The following VEGFC variants were observed in gnomAD, a reference collection of about 807,000 sequenced individuals.
VEGFC encodes FLT4 ligand DHM.
A neutral mutation model predicts 46.1 loss-of-function variants in VEGFC; 12 were observed. The observed-to-expected ratio is 0.26, with a 90% CI of 0.17 to 0.42. The LOEUF is 0.42. Ranked by LOEUF, VEGFC falls within the 10% of genes least tolerant of loss-of-function variation. The pLI is 1.00. For missense variants in VEGFC, 488 were observed against 529.4 expected, an observed-to-expected ratio of 0.92 and a Z score of 0.77; for synonymous variants, 232 against 195.5, an observed-to-expected ratio of 1.19 and a Z score of -1.56.
intron 3 of VEGFC, among the ~76,000 whole-genome samples, chr4:176,714,160 A>G (rs535200069): frequency 6.6e-6 from 1 of 152,346 alleles, no homozygotes; most frequent in South Asian, 2.1e-4. Flanking sequence ...TCCCAATGTT[A>G]GAGGTGGGAG....
intron 3 of VEGFC, among the ~76,000 whole-genome samples, chr4:176,719,780 G>C (rs1560944799): frequency 6.6e-6 from 1 of 152,172 alleles, no homozygotes; most frequent in East Asian, 1.9e-4. Context: ...AAAACTATCT[G>C]CCGGGTGCGG....
At chr4:176,777,270 T>A (rs562012500) in intron 1 of VEGFC, among the ~76,000 whole-genome samples, 4 of 152,232 alleles carry the variant, frequency 2.6e-5, no homozygotes, top group African/African-American at 9.6e-5. Flanking sequence ...TGAGCCGAGA[T>A]CGCACCACTG....
rs1436738776 is a variant in VEGFC at position 176,740,463 on chromosome 4, TATAACTATATATTCTATATATAG to T, written c.148-10740_148-10718del. Among the ~76,000 whole-genome samples the T allele has an allele frequency of 3.1e-3, 407 of 131,228 alleles. 11 individuals carry two copies. The highest frequency in any genetic ancestry group is 7.0e-3 in the Admixed American group (77 of 11,076). 86.1% of individuals were successfully genotyped at this position (131,228 alleles called of 152,430 possible). On this transcript the variant is annotated intron_variant, in intron 1 of 6. Coordinates refer to ENST00000618562, the MANE Select transcript of VEGFC (RefSeq NM_005429.5). ...TTCTATATAGAGTATATAGAGTATATATAACTATATATTCTATATATAGAGAGTATATATAACTATATATTCTA... is the reference window on the plus strand; with the variant it reads ...TTCTATATAGAGTATATAGAGTATATAGAGTATATATAACTATATATTCTA...
intron 3 of VEGFC, 68 bp from the exon 4 acceptor site, chr4:176,711,718 T>C (rs1734623579): frequency 3.9e-6 from 6 of 1,527,818 alleles, no homozygotes; most frequent in Non-Finnish European, 4.5e-6. Flanking sequence ...TGGTAAATAT[T>C]GGAGTCCGAA....
At chr4:176,735,182 A>T (rs1310293128) in intron 1 of VEGFC, among the ~76,000 whole-genome samples, 2 of 151,830 alleles carry the variant, frequency 1.3e-5, no homozygotes, top group South Asian at 4.1e-4. Context: ...TTAAATCCCC[A>T]TGTTCTATTA....
chr4:176,756,566 C>T (rs537874195), intron 1 of VEGFC, among the ~76,000 whole-genome samples: 8 of 151,912 alleles, frequency 5.3e-5, no homozygotes, highest in East Asian at 1.9e-4. Context: ...AAGAAAGAGC[C>T]GTAGCCTTTT....
At chr4:176,737,567 T>C (rs1296137117) in intron 1 of VEGFC, among the ~76,000 whole-genome samples, 1 of 151,038 alleles carries the variant, frequency 6.6e-6, no homozygotes, top group African/African-American at 2.4e-5. Context: ...CTTTCTTCAC[T>C]TGATTAAAAA....
intron 4 of VEGFC, among the ~76,000 whole-genome samples, chr4:176,693,885 T>C (rs36200090): frequency 0.23 from 33,696 of 149,612 alleles, 6,317 homozygotes; most frequent in African/African-American, 0.52. Flanking sequence ...ATAAGCTTCA[T>C]ATAAGTGAAG....
intron 1 of VEGFC, among the ~76,000 whole-genome samples, chr4:176,785,672 G>T (rs1735991110): frequency 6.6e-6 from 1 of 151,632 alleles, no homozygotes; most frequent in Non-Finnish European, 1.5e-5. Flanking sequence ...ACAAATAAAT[G>T]TGTGTGCAAA....
rs1734488239 is a variant in VEGFC, at chr4:176,704,454, G to A, written c.704+7045C>T. Among the ~76,000 whole-genome samples, 8 of 152,190 alleles carry A rather than the reference G, an allele frequency of 5.3e-5. No homozygotes were observed. The South Asian group carries it at 1.7e-3, about 32-fold the overall frequency. The stretch of plus-strand genomic sequence containing the variant: ...AACAGGTGCTCCTTGTCTTTTGAAT[G>A]TCATCCATACAGTTTCATCCTCAAC... On this transcript the variant is annotated intron_variant, in intron 4 of 6. Coordinates refer to ENST00000618562, the MANE Select transcript of VEGFC (RefSeq NM_005429.5).
At chr4:176,740,390 A>G (rs1198554672) in intron 1 of VEGFC, among the ~76,000 whole-genome samples, 8 of 119,910 alleles carry the variant, frequency 6.7e-5, no homozygotes, top group Non-Finnish European at 1.1e-4. Context: ...ATATATAACT[A>G]TATATTTATA....
At chr4:176,783,869 A>G (rs1341495641) in intron 1 of VEGFC, among the ~76,000 whole-genome samples, 1 of 152,180 alleles carries the variant, frequency 6.6e-6, no homozygotes, top group East Asian at 1.9e-4. Context: ...GTAATTTATA[A>G]TTTTAAAAAT....
chr4:176,726,202 C>T (rs1362927618), intron 3 of VEGFC, among the ~76,000 whole-genome samples: 1 of 152,050 alleles, frequency 6.6e-6, no homozygotes, highest in African/African-American at 2.4e-5. Flanking sequence ...GAAATATTGT[C>T]ATGTTCCTAC....
At chr4:176,790,530 TAA>T (rs2110961108) in intron 1 of VEGFC, among the ~76,000 whole-genome samples, 1 of 58,762 alleles carries the variant, frequency 1.7e-5, no homozygotes, top group Non-Finnish European at 6.3e-5. Context: ...ATAACACACG[TAA>T]ACACACACAC....
At position 176,792,580 on chromosome 4, in the gene VEGFC, C is replaced by G. The variant is rs908902518; in HGVS notation, c.-269G>C. ...ACCGGACATCCGAGCTCCCCGCATT[C>G]GGAGCCCGCGAGGTGAAGCGAGGGC... is the stretch of plus-strand genomic sequence containing the variant. On this transcript the variant is annotated 5_prime_UTR_variant, in exon 1 of 7. Transcript: ENST00000618562. The surrounding 1 kb of genome is among the most constrained non-coding windows in gnomAD (Gnocchi z 6.3). 1.8e-5 allele frequency: 6 copies of G among 336,452 alleles called. No homozygotes were observed. The highest frequency in any genetic ancestry group is 1.3e-4 in the African/African-American group (6 of 46,568). The allele number at this position is 336,452 out of a possible 1,614,324, so 20.8% of individuals were successfully genotyped here.
chr4:176,748,638 C>A (rs1453355200), intron 1 of VEGFC, among the ~76,000 whole-genome samples: 1 of 151,940 alleles, frequency 6.6e-6, no homozygotes, highest in East Asian at 1.9e-4. Flanking sequence ...ACAATTAAGA[C>A]TTTCAGGAAA....
chr4:176,694,004 G>A (rs1363609970), intron 4 of VEGFC, among the ~76,000 whole-genome samples: 1 of 151,348 alleles, frequency 6.6e-6, no homozygotes, highest in African/African-American at 2.4e-5. Context: ...AGGAACAACT[G>A]GTACCAGCCG....
At chr4:176,773,210 GT>G (rs1735751395) in intron 1 of VEGFC, among the ~76,000 whole-genome samples, 1 of 152,166 alleles carries the variant, frequency 6.6e-6, no homozygotes, top group Non-Finnish European at 1.5e-5. Context: ...AATCAGCCAT[GT>G]TGTGACCACG....
rs750927065 is a variant in VEGFC, at chr4:176,684,028, C to T, written c.1158G>A (p.Arg386=). ...AAGCCTTCTGGCGGTTCGTACATGG[C>T]CGTCTGTAACAGCTAGGAGAACAAA... ...FHHQTCSCYR[R]PCTNRQKACE... The change falls in exon 7 of 7, where the codon CGG becomes CGA. Residue 386 remains arginine, a synonymous_variant. Transcript: ENST00000618562. 2 of 1,613,956 alleles carry T rather than the reference C, an allele frequency of 1.2e-6. No individual in the cohort carries two copies. Among genetic ancestry groups the T allele is most frequent in the African/African-American group, 1.3e-5 (1 of 75,056 alleles).
Sources: allele counts gnomAD v4.1 joint callset (sites outside exome capture counted in the v4.1 genomes callset), GRCh38; gene constraint gnomAD v4.1.1; non-coding constraint Gnocchi (gnomAD v3.1); transcripts MANE v1.5; gene names NCBI Gene and HGNC (gene_info 2026-07-23, HGNC 2026-07-21).